The following EPHA6 variants were observed in gnomAD, a reference collection of about 807,000 sequenced individuals.
EPHA6 encodes ephrin type-A receptor 6.
Under a neutral mutation model 112.0 loss-of-function variants are expected in EPHA6, and 50 were observed. That is an observed-to-expected ratio of 0.45 (90% CI 0.36 to 0.56). The LOEUF (loss-of-function observed/expected upper bound fraction) is 0.56, where lower values mean the gene tolerates loss of function less well. Among genes scored for constraint, EPHA6 ranks in the 20% least tolerant of loss-of-function variants. The pLI is 0.00. For missense variants in EPHA6, 1,280 were observed against 1,417.4 expected (o/e 0.90, Z 1.56); for synonymous variants, 529 against 490.7 (o/e 1.08, Z -1.03).
At chr3:96,915,733 T>C (rs1576021517) in intron 2 of EPHA6, among the ~76,000 whole-genome samples, 1 of 152,114 alleles carries the variant, frequency 6.6e-6, no homozygotes, top group Non-Finnish European at 1.5e-5. Flanking sequence ...GCAGCAGCAG[T>C]AGTAATAATT....
At chr3:96,926,093 T>C (rs1266068683) in intron 2 of EPHA6, among the ~76,000 whole-genome samples, 1 of 152,136 alleles carries the variant, frequency 6.6e-6, no homozygotes, top group Non-Finnish European at 1.5e-5. Flanking sequence ...AGAGATTTAA[T>C]TGACTCACAG....
At chr3:96,954,458 C>T (rs1382555872) in intron 2 of EPHA6, among the ~76,000 whole-genome samples, 2 of 152,136 alleles carry the variant, frequency 1.3e-5, no homozygotes, top group South Asian at 2.1e-4. Context: ...GCTGTGCTTG[C>T]TCCCAAGTTA....
intron 3 of EPHA6, among the ~76,000 whole-genome samples, chr3:97,034,095 G>A (rs892079148): frequency 6.6e-6 from 1 of 151,774 alleles, no homozygotes; most frequent in Non-Finnish European, 1.5e-5. Context: ...CAGTCTAATT[G>A]GGAATATAAC....
intron 16 of EPHA6, among the ~76,000 whole-genome samples, chr3:97,736,960 C>T (rs190717817): frequency 3.9e-5 from 6 of 152,160 alleles, no homozygotes; most frequent in Non-Finnish European, 8.8e-5. Context: ...CTTCAGATCA[C>T]AGGTTCAAGC....
chr3:97,109,833 C>T (rs2047671992), intron 3 of EPHA6, among the ~76,000 whole-genome samples: 2 of 152,086 alleles, frequency 1.3e-5, no homozygotes, highest in African/African-American at 4.8e-5. Context: ...GAAGGTTACA[C>T]TTATTCAAAT....
At chr3:97,389,383 A>G (rs1215104642) in intron 5 of EPHA6, among the ~76,000 whole-genome samples, 1 of 151,994 alleles carries the variant, frequency 6.6e-6, no homozygotes, top group African/African-American at 2.4e-5. Flanking sequence ...ATATTATCTC[A>G]TTTTTCAATA....
chr3:97,402,620 C>T (rs1213382209), intron 5 of EPHA6, among the ~76,000 whole-genome samples: 1 of 151,912 alleles, frequency 6.6e-6, no homozygotes, highest in African/African-American at 2.4e-5. Flanking sequence ...ATAGTTAGGA[C>T]TTATTTTAAA....
intron 6 of EPHA6, chr3:97,447,833 G>A: frequency 9.9e-7 from 1 of 1,009,178 alleles, no homozygotes; most frequent in Non-Finnish European, 1.2e-6. Flanking sequence ...CTGCAGGTAT[G>A]GTAAGTCTTT....
intron 3 of EPHA6, among the ~76,000 whole-genome samples, chr3:97,089,447 A>G (rs2046998530): frequency 6.6e-6 from 1 of 151,888 alleles, no homozygotes; most frequent in African/African-American, 2.4e-5. Flanking sequence ...ATCTTTCTGT[A>G]TTCTTTCTGT....
intron 14 of EPHA6, among the ~76,000 whole-genome samples, chr3:97,640,699 G>C (rs7631585): frequency 0.36 from 54,674 of 151,814 alleles, 10,582 homozygotes; most frequent in Middle Eastern, 0.47. Context: ...AGAACCGCTT[G>C]AACCCAGGAG....
intron 3 of EPHA6, among the ~76,000 whole-genome samples, chr3:97,002,742 T>C (rs1559659983): frequency 6.6e-6 from 1 of 152,040 alleles, no homozygotes; most frequent in African/African-American, 2.4e-5. Flanking sequence ...TTTTGCTACT[T>C]TGAATTCAGC....
rs143662864 is a variant in EPHA6, at chr3:97,015,045, T to C, written c.1114+27052T>C. On this transcript the variant is annotated intron_variant, in intron 3 of 17. Coordinates refer to ENST00000389672, the MANE Select transcript of EPHA6 (RefSeq NM_001080448.3). ...ACCAACAAGTAAATTAAACTGAAAATTATTGACACAAGTTTTATCATTGGA... is the reference window on the plus strand; with the variant it reads ...ACCAACAAGTAAATTAAACTGAAAACTATTGACACAAGTTTTATCATTGGA... Among the ~76,000 whole-genome samples, 466 of 152,210 alleles carry C rather than the reference T, an allele frequency of 3.1e-3. 1 individual carries two copies. Among genetic ancestry groups the C allele is most frequent in the Non-Finnish European group, 3.9e-3 (262 of 68,016 alleles).
chr3:97,483,366 A>G (rs2091610595), intron 9 of EPHA6, among the ~76,000 whole-genome samples: 1 of 152,174 alleles, frequency 6.6e-6, no homozygotes, highest in Non-Finnish European at 1.5e-5. Context: ...GACTATATGC[A>G]GTCAGTCCAT....
chr3:97,458,920 A>G (rs1022284966), intron 7 of EPHA6, among the ~76,000 whole-genome samples: 3 of 152,190 alleles, frequency 2.0e-5, no homozygotes, highest in African/African-American at 7.2e-5. Flanking sequence ...CCCTGCTTTC[A>G]CAACAGCTAG....
rs2076549319 is a variant in EPHA6 at position 97,166,605 on chromosome 3, A to G, written c.1115-59659A>G. Among the ~76,000 whole-genome samples, 3 of 152,182 alleles carry G rather than the reference A, an allele frequency of 2.0e-5. No individual in the cohort carries two copies. In the South Asian group the frequency reaches 6.2e-4, roughly 31 times the overall value. On this transcript the variant is annotated intron_variant, in intron 3 of 17. Transcript: ENST00000389672. Reference sequence around the variant, plus strand: ...GAATCTTTGGAAGAATGTTAAATACAGTGCCTGGGCTACCATACACAGTTG... The same window carrying G: ...GAATCTTTGGAAGAATGTTAAATACGGTGCCTGGGCTACCATACACAGTTG...
At chr3:97,001,393 G>A (rs1284917829) in intron 3 of EPHA6, among the ~76,000 whole-genome samples, 4 of 151,992 alleles carry the variant, frequency 2.6e-5, no homozygotes, top group South Asian at 2.1e-4. Flanking sequence ...GAGGACATTC[G>A]TAATATTTTT....
chr3:97,492,469 G>C (rs1236915970), intron 10 of EPHA6, among the ~76,000 whole-genome samples: 1 of 144,916 alleles, frequency 6.9e-6, no homozygotes, highest in Non-Finnish European at 1.5e-5. Context: ...TAGAACCAGG[G>C]AGGCGGAGAT....
chr3:97,065,938 A>G lies in EPHA6; in HGVS notation c.1114+77945A>G, dbSNP rs2046163382. Among the ~76,000 whole-genome samples the G allele has an allele frequency of 2.0e-5, 3 of 152,212 alleles. No homozygotes were observed. The South Asian group carries it at 6.2e-4, about 32-fold the overall frequency. On this transcript the variant is annotated intron_variant, in intron 3 of 17. Coordinates refer to ENST00000389672, the MANE Select transcript of EPHA6 (RefSeq NM_001080448.3). ...ATGGCATGCAGATGCTCACAACTAT[A>G]AAATGATTAATGAATGGTAATTGAG...
intron 14 of EPHA6, among the ~76,000 whole-genome samples, chr3:97,701,878 C>G (rs1161082954): frequency 6.6e-6 from 1 of 152,074 alleles, no homozygotes; most frequent in South Asian, 2.1e-4. Flanking sequence ...TGATTCCAAG[C>G]CATTTCCTCA....
Sources: gnomAD v4.1 joint callset for allele counts (sites outside exome capture counted in the v4.1 genomes callset) on GRCh38, gnomAD v4.1.1 for gene constraint, MANE v1.5 for transcripts, NCBI Gene and HGNC (gene_info 2026-07-23, HGNC 2026-07-21) for gene names.